COL16A1: variants seen among roughly 807,000 people sequenced by gnomAD.
The protein encoded by COL16A1 is collagen alpha-1(XVI) chain.
A neutral mutation model predicts 266.3 loss-of-function variants in COL16A1; 189 were observed. That is an observed-to-expected ratio of 0.71 (90% CI 0.63 to 0.80). COL16A1 has a LOEUF of 0.80. COL16A1 is among the 30% of genes least tolerant of loss of function. The pLI is 0.00. For missense variants in COL16A1, 1,928 were observed against 2,122.4 expected, an observed-to-expected ratio of 0.91 and a Z score of 1.80; for synonymous variants, 740 against 782.3, an observed-to-expected ratio of 0.95 and a Z score of 0.90.
At position 31,675,306 on chromosome 1, in the gene COL16A1, C is replaced by A. The variant is rs1311438824; in HGVS notation, c.2778G>T (p.Val926=). Residue 926 remains valine, a synonymous_variant, in exon 43 of 71, where the codon GTG becomes GTT. Coordinates refer to ENST00000373672, the MANE Select transcript of COL16A1 (RefSeq NM_001856.4). ...GPPGVPGLQG[V]PGNNGLPGQP... Reference sequence around the variant, plus strand: ...GTCCTGGCAAACCGTTGTTTCCAGGCACTCCCTGTAGCCAAGAAGAGACAC... The same window carrying A: ...GTCCTGGCAAACCGTTGTTTCCAGGAACTCCCTGTAGCCAAGAAGAGACAC... 6.2e-7 allele frequency: 1 copy of A among 1,613,876 alleles called. No homozygotes were observed. The highest frequency in any genetic ancestry group is 8.5e-7 in the Non-Finnish European group (1 of 1,179,970).
chr1:31,689,100 G>A lies in COL16A1; in HGVS notation c.1621-15C>T, dbSNP rs752719103. ...CCAGGGTCTCCCTGCAGGGTAAAAAGGTTTGTGGGCTGAGGCAGGGCACGA... is the reference window on the plus strand; with the variant it reads ...CCAGGGTCTCCCTGCAGGGTAAAAAAGTTTGTGGGCTGAGGCAGGGCACGA... On this transcript the variant is annotated splice_polypyrimidine_tract_variant and intron_variant, in intron 23 of 70. Coordinates refer to ENST00000373672, the MANE Select transcript of COL16A1 (RefSeq NM_001856.4). 5 of 1,613,496 alleles carry A rather than the reference G, an allele frequency of 3.1e-6. No individual in the cohort carries two copies. In the East Asian group the frequency reaches 1.1e-4, roughly 36 times the overall value.
chr1:31,695,620 A>C (rs1644462377), intron 10 of COL16A1, 141 bp downstream of exon 10: 2 of 834,476 alleles, frequency 2.4e-6, no homozygotes, highest in African/African-American at 1.7e-5. Context: ...GTGGACAGAC[A>C]GGGCCCAGCA....
chr1:31,687,762 C>T (rs960551750), intron 26 of COL16A1, among the ~76,000 whole-genome samples: 1 of 152,096 alleles, frequency 6.6e-6, no homozygotes, highest in African/African-American at 2.4e-5. Flanking sequence ...GCAAAGGCCC[C>T]ACATGTGATG....
In COL16A1 at chr1:31,697,025, G is replaced by T; in HGVS notation, c.802C>A (p.Pro268Thr). ...GTGTAGACCTTGCCTTCAGACTGTGGATTGATCTCAATGAGCTCATTGCTC... is the reference window on the plus strand; with the variant it reads ...GTGTAGACCTTGCCTTCAGACTGTGTATTGATCTCAATGAGCTCATTGCTC... ...TQSNELIEIN[P>T]QSEGKVYTRC... The change falls in exon 8 of 71, where the codon CCA becomes ACA. Residue 268 changes from proline (P) to threonine (T), a missense_variant. Transcript: ENST00000373672. The surrounding 1 kb of genome is among the most constrained non-coding windows in gnomAD (Gnocchi z 4.2). The T allele has an allele frequency of 6.2e-7, 1 of 1,614,156 alleles. No homozygotes were observed. The highest frequency in any genetic ancestry group is 1.1e-5 in the South Asian group (1 of 91,074).
chr1:31,667,672 A>C (rs1642255844), intron 51 of COL16A1, 44 bp from the exon 52 acceptor site: 1 of 1,549,928 alleles, frequency 6.5e-7, no homozygotes, highest in African/African-American at 1.4e-5. Flanking sequence ...CCACAGAATT[A>C]GTCCGTCACG....
chr1:31,658,854 C>T (rs766252832), intron 63 of COL16A1, 60 bp downstream of exon 63: 63 of 1,535,562 alleles, frequency 4.1e-5, no homozygotes, highest in Admixed American at 5.9e-5. Flanking sequence ...CTGAATGGAG[C>T]CCACAGTCAA....
chr1:31,668,760 T>C lies in COL16A1; in HGVS notation c.3249+42A>G, dbSNP rs1642372135. Reference sequence around the variant, plus strand: ...CAAGCTCTGCCTCCCCAGCTCTTCCTCCCTTTCCAGCCCTTTCCAGCCCCT... The same window carrying C: ...CAAGCTCTGCCTCCCCAGCTCTTCCCCCCTTTCCAGCCCTTTCCAGCCCCT... On this transcript the variant is annotated intron_variant, in intron 50 of 70. Transcript: ENST00000373672. This position sits in a 1 kb window ranked among gnomAD's most constrained non-coding sequence, Gnocchi z 5.8. 6.2e-7 allele frequency: 1 copy of C among 1,611,590 alleles called. No individual in the cohort carries two copies. The highest frequency in any genetic ancestry group is 1.1e-5 in the South Asian group (1 of 91,022).
Position 31,698,781 on chromosome 1 carries a change from G to A in COL16A1, c.267-175C>T, listed in dbSNP as rs1257091360. 2.6e-5 allele frequency among the ~76,000 whole-genome samples: 4 copies of A among 152,142 alleles called. No individual in the cohort carries two copies. Among genetic ancestry groups the A allele is most frequent in the Non-Finnish European group, 4.4e-5 (3 of 68,030 alleles). ...TGAGTGCCTTCCGCGAGCTAGGTGCGGGTCTGGCTGCTGGGAATAACAGTG... is the reference window on the plus strand; with the variant it reads ...TGAGTGCCTTCCGCGAGCTAGGTGCAGGTCTGGCTGCTGGGAATAACAGTG... On this transcript the variant is annotated intron_variant, in intron 4 of 70. Coordinates refer to ENST00000373672, the MANE Select transcript of COL16A1 (RefSeq NM_001856.4). The surrounding 1 kb of genome is among the most constrained non-coding windows in gnomAD (Gnocchi z 4.1).
chr1:31,659,951 G>GGTCT (rs1641499396), intron 62 of COL16A1: 1 of 72,498 alleles, frequency 1.4e-5, no homozygotes, highest in African/African-American at 3.7e-5. Context: ...GGGCCTGAGA[G>GGTCT]TTCTTTTTTT....
chr1:31,681,682 G>A (rs1175149058), intron 37 of COL16A1, among the ~76,000 whole-genome samples: 1 of 152,248 alleles, frequency 6.6e-6, no homozygotes, highest in African/African-American at 2.4e-5. Flanking sequence ...TTTGGGCAAC[G>A]GCATGGAGTC....
At position 31,657,493 on chromosome 1, in the gene COL16A1, G is replaced by A. The variant is rs1204540022; in HGVS notation, c.4021-425C>T. The A allele has an allele frequency of 5.4e-6, 1 of 183,502 alleles. No individual in the cohort carries two copies. Among genetic ancestry groups the A allele is most frequent in the Non-Finnish European group, 1.1e-5 (1 of 87,072 alleles). 11.4% of individuals were successfully genotyped at this position (183,502 alleles called of 1,614,324 possible). On this transcript the variant is annotated intron_variant, in intron 64 of 70. Coordinates refer to ENST00000373672, the MANE Select transcript of COL16A1 (RefSeq NM_001856.4). This position sits in a 1 kb window ranked among gnomAD's most constrained non-coding sequence, Gnocchi z 6.4. ...TGGGGAAGAGGACTCTGATTGCTAGGCAAGTGGGAGATTCATCCAGGGGCC... is the reference window on the plus strand; with the variant it reads ...TGGGGAAGAGGACTCTGATTGCTAGACAAGTGGGAGATTCATCCAGGGGCC...
chr1:31,680,141 G>C, intron 39 of COL16A1, 40 bp from the exon 40 acceptor site: 1 of 1,601,796 alleles, frequency 6.2e-7, no homozygotes, highest in Non-Finnish European at 8.5e-7. Flanking sequence ...GGATGAAGAC[G>C]AAGGGCTCTC....
chr1:31,653,384 G>T, intron 70 of COL16A1: 1 of 539,100 alleles, frequency 1.9e-6, no homozygotes, highest in Non-Finnish European at 3.2e-6. Context: ...CATCATGCTA[G>T]CCCAGTTTAG....
chr1:31,689,546 G>A (rs1346286277), intron 23 of COL16A1, 195 bp downstream of exon 23: 2 of 606,516 alleles, frequency 3.3e-6, no homozygotes, highest in African/African-American at 1.9e-5. Flanking sequence ...GGAGACCGGA[G>A]GTGGCACTCT....
At chr1:31,692,219 A>G (rs1570565754) in intron 16 of COL16A1, 152 bp from the exon 17 acceptor site, 1 of 1,280,204 alleles carries the variant, frequency 7.8e-7, no homozygotes, top group African/African-American at 1.5e-5. Flanking sequence ...AGGGTAGACA[A>G]CAGACCAGAC....
rs1419901239 is a variant in COL16A1 at position 31,688,522 on chromosome 1, G to C, written c.1768-20C>G. 2 of 1,614,064 alleles carry C rather than the reference G, an allele frequency of 1.2e-6. No individual in the cohort carries two copies. Among genetic ancestry groups the C allele is most frequent in the South Asian group, 2.2e-5 (2 of 91,068 alleles). On this transcript the variant is annotated intron_variant, in intron 25 of 70. Coordinates refer to ENST00000373672, the MANE Select transcript of COL16A1 (RefSeq NM_001856.4). The surrounding 1 kb of genome is among the most constrained non-coding windows in gnomAD (Gnocchi z 4.9). ...TCTACCCTGAAAAACAACCAAGACA[G>C]AGTCTCAGCATCTCCCCACTCCCAC...
At chr1:31,658,354 C>G (rs1055799362) in intron 64 of COL16A1, 134 bp downstream of exon 64, 9 of 787,518 alleles carry the variant, frequency 1.1e-5, no homozygotes, top group South Asian at 3.2e-5. Flanking sequence ...CAGGCCCGAA[C>G]GCCACGCTGC....
chr1:31,658,640 G>A, intron 63 of COL16A1, 63 bp from the exon 64 acceptor site: 3 of 1,401,974 alleles, frequency 2.1e-6, no homozygotes, highest in Non-Finnish European at 2.0e-6. Context: ...CTCCCATATA[G>A]CCAGAGACAG....
rs1243205430 is a variant in COL16A1 at position 31,691,470 on chromosome 1, G to T, written c.1345C>A (p.Pro449Thr). 2 of 1,613,254 alleles carry T rather than the reference G, an allele frequency of 1.2e-6. No homozygotes were observed. The highest frequency in any genetic ancestry group is 2.2e-5 in the East Asian group (1 of 44,878). The change falls in exon 19 of 71, where the codon CCT becomes ACT. Residue 449 changes from proline (P) to threonine (T), a missense_variant. By Grantham distance (38) the Pro-to-Thr change is conservative. Transcript: ENST00000373672. ...GGTCCAGGGAGGCCGGGGGGCCCAG[G>T]CTCTCCTGCCAGCCCCTCAGGCCCA... ...FVGPEGLAGEPGPPGLPGPPG... is the reference protein window; with the variant it reads ...FVGPEGLAGETGPPGLPGPPG...
Sources: gnomAD v4.1 joint callset for allele counts (sites outside exome capture counted in the v4.1 genomes callset) on GRCh38, gnomAD v4.1.1 for gene constraint, Gnocchi (gnomAD v3.1) non-coding constraint, MANE v1.5 for transcripts, NCBI Gene and HGNC (gene_info 2026-07-23, HGNC 2026-07-21) for gene names.